Variants in SLC4A10 observed in about 807,000 individuals in gnomAD.
The protein encoded by SLC4A10 is sodium-driven chloride bicarbonate exchanger.
Under a neutral mutation model 137.7 loss-of-function variants are expected in SLC4A10, and 42 were observed. The observed-to-expected ratio is 0.30, with a 90% CI of 0.24 to 0.39. The LOEUF is 0.39. Ranked by LOEUF, SLC4A10 falls within the 10% of genes least tolerant of loss-of-function variation. The pLI, the probability that SLC4A10 is intolerant of heterozygous loss-of-function variation, is 1.00. For missense variants in SLC4A10, 925 were observed against 1,355.0 expected (o/e 0.68, Z 4.98); for synonymous variants, 474 against 464.1 (o/e 1.02, Z -0.27).
intron 3 of SLC4A10, among the ~76,000 whole-genome samples, chr2:161,831,167 A>G (rs1575172145): frequency 6.6e-6 from 1 of 152,212 alleles, no homozygotes; most frequent in African/African-American, 2.4e-5. Context: ...GAGTTACCAC[A>G]GATATTTATT....
intron 1 of SLC4A10, among the ~76,000 whole-genome samples, chr2:161,640,135 G>T (rs2035066125): frequency 6.6e-6 from 1 of 151,966 alleles, no homozygotes; most frequent in Non-Finnish European, 1.5e-5. Context: ...TTTCAGTAAG[G>T]ACTCAAAGGT....
intron 23 of SLC4A10, among the ~76,000 whole-genome samples, chr2:161,970,583 C>T (rs987641398): frequency 1.3e-5 from 2 of 152,192 alleles, no homozygotes; most frequent in East Asian, 3.9e-4. Flanking sequence ...TATTTTCCCT[C>T]TCTAACACTC....
intron 3 of SLC4A10, among the ~76,000 whole-genome samples, chr2:161,834,290 G>A (rs2058623819): frequency 2.0e-5 from 3 of 152,146 alleles, no homozygotes; most frequent in Admixed American, 2.0e-4. Context: ...TAATGTAGGG[G>A]ACATAATGAG....
chr2:161,777,716 G>A (rs1455481099), intron 2 of SLC4A10, among the ~76,000 whole-genome samples: 1 of 151,886 alleles, frequency 6.6e-6, no homozygotes, highest in Non-Finnish European at 1.5e-5. Context: ...AACAGCACGG[G>A]AAAGACCCAC....
intron 1 of SLC4A10, among the ~76,000 whole-genome samples, chr2:161,688,122 T>C (rs1008450065): frequency 6.6e-6 from 1 of 152,308 alleles, no homozygotes; most frequent in Non-Finnish European, 1.5e-5. Flanking sequence ...GCTTAAATTA[T>C]AGTAAAAGAA....
Position 161,862,969 on chromosome 2 carries a change from A to AGAT in SLC4A10, c.673_674insGAT (p.Asn225delinsArgTyr). The stretch of plus-strand genomic sequence containing the variant: ...ATTGATGAAACAGCATCATCATCAG[A>AGAT]ATCAGAAAAAACTCACCAACAGGAT... On this transcript the variant is annotated protein_altering_variant, in exon 6 of 27. Transcript: ENST00000446997. 6.2e-7 allele frequency: 1 copy of AGAT among 1,613,946 alleles called. No individual in the cohort carries two copies. The highest frequency in any genetic ancestry group is 1.1e-5 in the South Asian group (1 of 91,048).
chr2:161,910,813 AC>A (rs1257677667), intron 15 of SLC4A10, among the ~76,000 whole-genome samples: 3 of 151,970 alleles, frequency 2.0e-5, no homozygotes, highest in African/African-American at 7.2e-5. Flanking sequence ...AATGTTATTT[AC>A]TGACTGACAT....
intron 1 of SLC4A10, among the ~76,000 whole-genome samples, chr2:161,649,428 C>A (rs2036503003): frequency 6.6e-6 from 1 of 152,112 alleles, no homozygotes; most frequent in South Asian, 2.1e-4. Context: ...AATTGGATTT[C>A]TTTAGAATAT....
At chr2:161,691,957 G>T (rs1161414702) in intron 1 of SLC4A10, among the ~76,000 whole-genome samples, 3 of 152,088 alleles carry the variant, frequency 2.0e-5, no homozygotes, top group Non-Finnish European at 2.9e-5. Context: ...TACATAAAAA[G>T]AAAGGTGTCC....
intron 1 of SLC4A10, 32 bp from the exon 2 acceptor site, chr2:161,770,941 A>T: frequency 6.8e-7 from 1 of 1,480,712 alleles, no homozygotes; most frequent in African/African-American, 1.4e-5. Context: ...TATGTGTGTT[A>T]TCATTTAATC....
intron 4 of SLC4A10, among the ~76,000 whole-genome samples, chr2:161,844,565 T>C (rs1427323936): frequency 6.6e-6 from 1 of 152,116 alleles, no homozygotes; most frequent in Non-Finnish European, 1.5e-5. Flanking sequence ...ATAACTCCTT[T>C]TGGATGATAG....
intron 1 of SLC4A10, among the ~76,000 whole-genome samples, chr2:161,653,298 C>T (rs2037063659): frequency 6.6e-6 from 1 of 152,166 alleles, no homozygotes; most frequent in African/African-American, 2.4e-5. Context: ...GCCAACAGTG[C>T]TGCAATAAAC....
intron 2 of SLC4A10, among the ~76,000 whole-genome samples, chr2:161,792,608 A>G (rs1331681952): frequency 6.6e-6 from 1 of 152,176 alleles, no homozygotes; most frequent in African/African-American, 2.4e-5. Context: ...AAAGCTCCTC[A>G]GCTGCATACA....
intron 15 of SLC4A10, among the ~76,000 whole-genome samples, chr2:161,940,677 T>C (rs1692517652): frequency 6.6e-6 from 1 of 152,160 alleles, no homozygotes. Flanking sequence ...TAAGTTCTGG[T>C]GGAAAGCAAT....
intron 1 of SLC4A10, among the ~76,000 whole-genome samples, chr2:161,754,264 A>G (rs531147567): frequency 6.6e-6 from 1 of 152,284 alleles, no homozygotes; most frequent in African/African-American, 2.4e-5. Context: ...CTCAGGGACT[A>G]TTAAATGGCC....
At chr2:161,744,934 T>C (rs539119018) in intron 1 of SLC4A10, among the ~76,000 whole-genome samples, 77 of 152,332 alleles carry the variant, frequency 5.1e-4, no homozygotes, top group Middle Eastern at 3.4e-3. Flanking sequence ...CCAGTGAGTT[T>C]TGTACCTTTA....
chr2:161,830,852 A>C (rs925950131), intron 3 of SLC4A10, among the ~76,000 whole-genome samples: 4 of 152,192 alleles, frequency 2.6e-5, no homozygotes, highest in African/African-American at 9.6e-5. Flanking sequence ...ATTAGTTGCA[A>C]TTGTGATAAG....
At chr2:161,953,394 G>A (rs937850026) in intron 19 of SLC4A10, among the ~76,000 whole-genome samples, 3 of 152,106 alleles carry the variant, frequency 2.0e-5, no homozygotes, top group African/African-American at 7.2e-5. Flanking sequence ...TGGATCACGA[G>A]GTCAGGAGTT....
At chr2:161,861,164 C>A (rs1351421074) in intron 5 of SLC4A10, among the ~76,000 whole-genome samples, 3 of 152,132 alleles carry the variant, frequency 2.0e-5, no homozygotes, top group African/African-American at 7.2e-5. Flanking sequence ...AGAATTAACT[C>A]TAGAGTGAAG....
Sources: gnomAD v4.1 joint callset for allele counts (sites outside exome capture counted in the v4.1 genomes callset) on GRCh38, gnomAD v4.1.1 for gene constraint, MANE v1.5 for transcripts, NCBI Gene and HGNC (gene_info 2026-07-23, HGNC 2026-07-21) for gene names.